MUCL1: variants seen among roughly 807,000 people sequenced by gnomAD.
MUCL1 encodes the protein mucin-like protein 1.
A neutral mutation model predicts 9.2 loss-of-function variants in MUCL1; 11 were observed. The observed-to-expected ratio is 1.19, with a 90% CI of 0.75 to 1.97. The LOEUF is 1.97. Ranked by LOEUF, MUCL1 falls within the 30% of genes most tolerant of loss-of-function variation. MUCL1 has a pLI of 0.00. For missense variants in MUCL1, 144 were observed against 110.9 expected (o/e 1.30, Z -1.34); for synonymous variants, 48 against 40.5 (o/e 1.19, Z -0.71).
upstream of MUCL1, among the ~76,000 whole-genome samples, chr12:54,850,476 AAAGG>A (rs1959321934): frequency 6.6e-6 from 1 of 152,054 alleles, no homozygotes; most frequent in South Asian, 2.1e-4. Flanking sequence ...ATGTCCCTAC[AAAGG>A]ACATGAACTC....
intron 1 of MUCL1, among the ~76,000 whole-genome samples, chr12:54,833,109 T>A (rs1039693123): frequency 6.6e-6 from 1 of 152,144 alleles, no homozygotes; most frequent in African/African-American, 2.4e-5. Flanking sequence ...CTCATTTGAC[T>A]TTCCTTAGAG....
In MUCL1 at chr12:54,856,775, C is replaced by T. The variant is rs757249683; in HGVS notation, c.106C>T (p.Pro36Ser). Residue 36 changes from proline to serine, a missense_variant, in exon 3 of 4, where the codon CCT (proline) becomes TCT (serine). Transcript: ENST00000308796. ...APADTYPATG[P>S]ADDEAPDAET... is the part of the protein sequence containing the mutation. The stretch of plus-strand genomic sequence containing the variant: ...GCTTTTCCTTCTAATTTCAGCTGGT[C>T]CTGCTGATGATGAAGCCCCTGATGC... The T allele has an allele frequency of 1.1e-5, 17 of 1,611,376 alleles. No individual in the cohort carries two copies. The highest frequency in any genetic ancestry group is 1.7e-5 in the Admixed American group (1 of 59,342).
chr12:54,856,809 C>G lies in MUCL1; in HGVS notation c.140C>G (p.Thr47Ser), dbSNP rs759721973. The G allele has an allele frequency of 2.2e-5, 36 of 1,612,348 alleles. No homozygotes were observed. In the Admixed American group the frequency reaches 6.0e-4, roughly 27 times the overall value. The change falls in exon 3 of 4, where the codon ACT becomes AGT. Residue 47 changes from threonine (T) to serine (S), a missense_variant. By Grantham distance (58) the Thr-to-Ser change is moderately conservative. Coordinates refer to ENST00000308796, the MANE Select transcript of MUCL1 (RefSeq NM_058173.3). ...ADDEAPDAET[T>S]AAATTATTAA... ...GATGAAGCCCCTGATGCTGAAACCA[C>G]TGCTGCTGCAACCACTGCAACCACT...
At chr12:54,843,319 G>C (rs1171549844) in intron 1 of MUCL1, among the ~76,000 whole-genome samples, 2 of 152,160 alleles carry the variant, frequency 1.3e-5, no homozygotes, top group African/African-American at 4.8e-5. Flanking sequence ...TTAAAATAAT[G>C]AATGGGTATT....
At chr12:54,846,824 G>A (rs1959264147) in intron 1 of MUCL1, among the ~76,000 whole-genome samples, 1 of 146,862 alleles carries the variant, frequency 6.8e-6, no homozygotes, top group African/African-American at 2.5e-5. Flanking sequence ...TCACTTGTGT[G>A]GGTAACTTGT....
intron 1 of MUCL1, among the ~76,000 whole-genome samples, chr12:54,833,458 C>T (rs983271364): frequency 2.0e-5 from 3 of 152,058 alleles, no homozygotes; most frequent in African/African-American, 7.2e-5. Context: ...TCTGATGATG[C>T]CTAGTGCTAT....
upstream of MUCL1, among the ~76,000 whole-genome samples, chr12:54,836,948 C>G (rs1356876490): frequency 6.6e-6 from 1 of 152,096 alleles, no homozygotes; most frequent in Non-Finnish European, 1.5e-5. Flanking sequence ...TGAGAAAACA[C>G]TTGATATAAT....
chr12:54,848,396 A>G (rs933117407), intron 1 of MUCL1, among the ~76,000 whole-genome samples: 1 of 152,232 alleles, frequency 6.6e-6, no homozygotes, highest in Non-Finnish European at 1.5e-5. Context: ...ATATTAAGTT[A>G]TCACAGTTAT....
intron 1 of MUCL1, among the ~76,000 whole-genome samples, chr12:54,844,244 G>A (rs1412990386): frequency 6.6e-6 from 1 of 151,826 alleles, no homozygotes; most frequent in Non-Finnish European, 1.5e-5. Context: ...TGGGGCCCCA[G>A]ATTTTTTTTA....
intron 1 of MUCL1, among the ~76,000 whole-genome samples, chr12:54,842,056 A>G (rs1959215105): frequency 6.6e-6 from 1 of 152,154 alleles, no homozygotes. Context: ...ATTAGTTTCC[A>G]AAAACAAATT....
At chr12:54,835,598 A>G (rs1431318485), upstream of MUCL1, among the ~76,000 whole-genome samples, 1 of 85,086 alleles carries the variant, frequency 1.2e-5, no homozygotes, top group Non-Finnish European at 2.1e-5. Context: ...CCACTTTTTG[A>G]TGGGATTGTT....
intron 1 of MUCL1, among the ~76,000 whole-genome samples, chr12:54,848,336 C>A (rs1226844975): frequency 5.3e-5 from 8 of 151,972 alleles, no homozygotes; most frequent in Admixed American, 3.9e-4. Context: ...GGTTTGTGAT[C>A]CTTGAGTAAA....
upstream of MUCL1, among the ~76,000 whole-genome samples, chr12:54,849,660 T>C (rs2135944057): frequency 6.6e-6 from 1 of 152,194 alleles, no homozygotes; most frequent in East Asian, 1.9e-4. Flanking sequence ...TGTTACAAAA[T>C]GTAGATATTA....
Position 54,854,643 on chromosome 12 carries a change from A to C in MUCL1, c.58+3A>C. 1.9e-6 allele frequency: 3 copies of C among 1,612,058 alleles called. No individual in the cohort carries two copies. The highest frequency in any genetic ancestry group is 2.5e-6 in the Non-Finnish European group (3 of 1,178,394). ...TTCCATCTTTCTGGTCTCTGCCCGT[A>C]AGTAAAGATTCTTACCTGAACATAA... On this transcript the variant is annotated splice_donor_region_variant and intron_variant, in intron 1 of 3. Coordinates refer to ENST00000308796, the MANE Select transcript of MUCL1 (RefSeq NM_058173.3).
chr12:54,848,952 A>G (rs1310567672), intron 1 of MUCL1, among the ~76,000 whole-genome samples: 1 of 152,208 alleles, frequency 6.6e-6, no homozygotes, highest in Admixed American at 6.5e-5. Context: ...ATTAAAAAGT[A>G]TATCAGTGGC....
intron 1 of MUCL1, among the ~76,000 whole-genome samples, chr12:54,841,388 TA>T (rs1959210788): frequency 6.6e-6 from 1 of 152,180 alleles, no homozygotes; most frequent in South Asian, 2.1e-4. Context: ...ATATGGTAGT[TA>T]TTTTTTTTAA....
chr12:54,839,473 G>A (rs2121484586), intron 1 of MUCL1: 3 of 701,444 alleles, frequency 4.3e-6, no homozygotes, highest in East Asian at 2.7e-5. Context: ...ATCCAATTGT[G>A]GACAGAGATC....
At chr12:54,853,763 A>G (rs1349639671), upstream of MUCL1, among the ~76,000 whole-genome samples, 1 of 152,150 alleles carries the variant, frequency 6.6e-6, no homozygotes, top group African/African-American at 2.4e-5. Context: ...CATGTATTAA[A>G]TAAAATTTTT....
intron 1 of MUCL1, among the ~76,000 whole-genome samples, chr12:54,841,677 T>C (rs981202672): frequency 5.9e-5 from 9 of 152,240 alleles, no homozygotes; most frequent in African/African-American, 2.2e-4. Flanking sequence ...TTGTCTACTT[T>C]GTAATTAGCT....
Sources: gnomAD v4.1 joint callset for allele counts (sites outside exome capture counted in the v4.1 genomes callset) on GRCh38, gnomAD v4.1.1 for gene constraint, MANE v1.5 for transcripts, NCBI Gene and HGNC (gene_info 2026-07-23, HGNC 2026-07-21) for gene names.